Variants in RNF130 observed in about 807,000 individuals in gnomAD.
The protein encoded by RNF130 is ring finger protein 130, also known as E3 ubiquitin-protein ligase RNF130.
RNF130 carries 21 observed loss-of-function variants against 44.6 expected under a neutral mutation model. The observed-to-expected ratio is 0.47, with a 90% confidence interval of 0.33 to 0.68. The LOEUF (loss-of-function observed/expected upper bound fraction) is 0.68, where lower values mean the gene tolerates loss of function less well. Ranked by LOEUF, RNF130 falls within the 30% of genes least tolerant of loss-of-function variation. The probability of loss-of-function intolerance (pLI) is 0.02; values close to 1 mark genes in which losing one functional copy is unlikely to be tolerated. For missense variants in RNF130, 479 were observed against 560.6 expected, an observed-to-expected ratio of 0.85 and a Z score of 1.47; for synonymous variants, 214 against 210.4, an observed-to-expected ratio of 1.02 and a Z score of -0.15.
Position 179,946,373 on chromosome 5 carries a change from C to A in RNF130, c.1150+20433G>T, listed in dbSNP as rs376231335. Among the ~76,000 whole-genome samples the A allele has an allele frequency of 1.9e-3, 286 of 152,298 alleles. 3 individuals are homozygous for A. Among genetic ancestry groups the A allele is most frequent in the African/African-American group, 6.2e-3 (258 of 41,574 alleles). ...CCCCCTCCTGACCCACGGTGAGAAA[C>A]CCCGTTTCAAAATGCTTGCCTTTGG... On this transcript the variant is annotated intron_variant, in intron 7 of 7. Coordinates refer to the RNF130 transcript ENST00000522208.
intron 3 of RNF130, among the ~76,000 whole-genome samples, chr5:179,982,273 C>T (rs937700668): frequency 6.6e-6 from 1 of 151,136 alleles, no homozygotes; most frequent in Non-Finnish European, 1.5e-5. Context: ...AAGAGATGGC[C>T]CACAATATCC....
chr5:179,996,466 T>C (rs1261386261), intron 3 of RNF130, among the ~76,000 whole-genome samples: 2 of 152,244 alleles, frequency 1.3e-5, no homozygotes, highest in Non-Finnish European at 2.9e-5. Flanking sequence ...AAGTCATATA[T>C]GGCCTTTATT....
At chr5:179,940,024 T>C in intron 7 of RNF130, 1 of 226,024 alleles carries the variant, frequency 4.4e-6, no homozygotes, top group Non-Finnish European at 8.7e-6. Context: ...TTCTCTCTGC[T>C]TCTTCTTTAG....
In RNF130 at chr5:179,956,635, G is replaced by A. The variant is rs572470357; in HGVS notation, c.1245-966C>T. ...ACAACTCGCTGATCCTGCTCTGTGC[G>A]GTCCTCACTGTGTGCCCTAATTATG... is the stretch of plus-strand genomic sequence containing the variant. On this transcript the variant is annotated intron_variant, in intron 8 of 8. Coordinates refer to ENST00000521389, the MANE Select transcript of RNF130 (RefSeq NM_018434.6). 273 of 152,704 alleles carry A rather than the reference G, an allele frequency of 1.8e-3. 1 individual carries two copies. The highest frequency in any genetic ancestry group is 6.3e-3 in the African/African-American group (263 of 41,580). The allele number at this position is 152,704 out of a possible 1,614,324, so 9.5% of individuals were successfully genotyped here.
chr5:179,949,127 G>A (rs972516511), intron 7 of RNF130, among the ~76,000 whole-genome samples: 18 of 151,830 alleles, frequency 1.2e-4, no homozygotes, highest in Non-Finnish European at 1.6e-4. Context: ...CACCACGCCC[G>A]GCTAATTTTT....
At chr5:180,030,196 T>C (rs1372420575) in intron 2 of RNF130, among the ~76,000 whole-genome samples, 1 of 152,122 alleles carries the variant, frequency 6.6e-6, no homozygotes, top group African/African-American at 2.4e-5. Flanking sequence ...TTAATTTCTA[T>C]CTTGAATACT....
chr5:180,052,996 A>G (rs1035799770), intron 1 of RNF130, among the ~76,000 whole-genome samples: 7 of 152,184 alleles, frequency 4.6e-5, no homozygotes, highest in African/African-American at 1.2e-4. Context: ...ATTCAGAGGG[A>G]AAAAAAGGAT....
At chr5:179,920,774 T>C (rs577882318) in intron 7 of RNF130, among the ~76,000 whole-genome samples, 52 of 113,484 alleles carry the variant, frequency 4.6e-4, no homozygotes, top group Non-Finnish European at 7.2e-4. Flanking sequence ...TCTGGGCATA[T>C]ATATTTATAT....
intron 3 of RNF130, among the ~76,000 whole-genome samples, chr5:179,992,421 C>T (rs558290398): frequency 6.6e-5 from 10 of 152,332 alleles, no homozygotes; most frequent in African/African-American, 2.4e-4. Flanking sequence ...GGATTACAGG[C>T]GTGAGCCACC....
intron 8 of RNF130, among the ~76,000 whole-genome samples, chr5:179,960,638 G>C (rs1471912487): frequency 6.6e-6 from 1 of 152,188 alleles, no homozygotes; most frequent in Non-Finnish European, 1.5e-5. Flanking sequence ...ACAGGGTCAA[G>C]GACTTGCTTG....
chr5:180,050,541 G>A (rs1448966041), intron 1 of RNF130, among the ~76,000 whole-genome samples: 3 of 152,134 alleles, frequency 2.0e-5, no homozygotes, highest in Non-Finnish European at 4.4e-5. Flanking sequence ...AAGTATGTGG[G>A]CACCTGTGGC....
At chr5:180,016,905 A>G (rs1450937312) in intron 2 of RNF130, among the ~76,000 whole-genome samples, 2 of 152,236 alleles carry the variant, frequency 1.3e-5, no homozygotes, top group Non-Finnish European at 2.9e-5. Context: ...CCTAAGAACA[A>G]GGCTAGCTAC....
rs111595347 is a variant in RNF130 at position 180,068,549 on chromosome 5, T to A, written c.247+2907A>T. 4.6e-3 allele frequency among the ~76,000 whole-genome samples: 698 copies of A among 152,340 alleles called. 5 individuals are homozygous for A. Among genetic ancestry groups the A allele is most frequent in the African/African-American group, 0.016 (657 of 41,572 alleles). On this transcript the variant is annotated intron_variant, in intron 1 of 8. Transcript: ENST00000521389. ...GTAAAGTATAGCACTTGCCAAAATA[T>A]ACTTTTAAAATACCAAAGTGCCTAA...
At chr5:179,974,623 C>T (rs1205259535) in intron 5 of RNF130, among the ~76,000 whole-genome samples, 2 of 152,248 alleles carry the variant, frequency 1.3e-5, no homozygotes, top group African/African-American at 2.4e-5. Flanking sequence ...TGTCCAGGCC[C>T]ATCTCCCTCC....
intron 7 of RNF130, chr5:179,939,790 C>A: frequency 2.4e-6 from 1 of 412,658 alleles, no homozygotes. Flanking sequence ...CCAAAAAAGT[C>A]CTCAAATGGG....
At chr5:179,958,694 CT>C (rs892404869) in intron 8 of RNF130, among the ~76,000 whole-genome samples, 2 of 151,330 alleles carry the variant, frequency 1.3e-5, no homozygotes, top group African/African-American at 2.4e-5. Flanking sequence ...TTGTTTCTTT[CT>C]TTTTTTTTGA....
intron 3 of RNF130, among the ~76,000 whole-genome samples, chr5:180,008,293 G>A (rs1763508515): frequency 6.6e-6 from 1 of 151,960 alleles, no homozygotes; most frequent in Non-Finnish European, 1.5e-5. Flanking sequence ...ACTCCAGCCA[G>A]GCGCCAAGGG....
intron 1 of RNF130, among the ~76,000 whole-genome samples, chr5:180,070,570 CCT>C (rs1317560479): frequency 6.6e-6 from 1 of 152,140 alleles, no homozygotes; most frequent in Non-Finnish European, 1.5e-5. Flanking sequence ...AGAAAAATCC[CCT>C]CTCAGCATTC....
At chr5:180,046,397 C>T (rs1483300441) in intron 1 of RNF130, among the ~76,000 whole-genome samples, 1 of 151,936 alleles carries the variant, frequency 6.6e-6, no homozygotes, top group Non-Finnish European at 1.5e-5. Context: ...CCTCTCACCA[C>T]CAGTCTGAAA....
Sources: allele counts gnomAD v4.1 joint callset (sites outside exome capture counted in the v4.1 genomes callset), GRCh38; gene constraint gnomAD v4.1.1; transcripts MANE v1.5; gene names NCBI Gene and HGNC (gene_info 2026-07-23, HGNC 2026-07-21).